Variants in ADGRV1 observed in about 807,000 individuals in gnomAD.
ADGRV1 encodes G-protein coupled receptor 98.
ADGRV1 carries 359 observed loss-of-function variants against 596.2 expected under a neutral mutation model. That is an observed-to-expected ratio of 0.60 (90% CI 0.55 to 0.66). The LOEUF (loss-of-function observed/expected upper bound fraction) is 0.66, where lower values mean the gene tolerates loss of function less well. Among genes scored for constraint, ADGRV1 ranks in the 30% least tolerant of loss-of-function variants. ADGRV1 has a pLI of 0.00. For missense variants in ADGRV1, 7,274 were observed against 7,575.6 expected, an observed-to-expected ratio of 0.96 and a Z score of 1.48; for synonymous variants, 2,681 against 2,679.2, an observed-to-expected ratio of 1.00 and a Z score of -0.02.
At chr5:91,000,829 C>G (rs1781799249) in intron 85 of ADGRV1, among the ~76,000 whole-genome samples, 1 of 150,952 alleles carries the variant, frequency 6.6e-6, no homozygotes. Flanking sequence ...AGTACAAGGG[C>G]AGGAAAAAAA....
At chr5:90,715,707 A>C (rs1750011924) in intron 42 of ADGRV1, among the ~76,000 whole-genome samples, 1 of 151,870 alleles carries the variant, frequency 6.6e-6, no homozygotes, top group African/African-American at 2.4e-5. Context: ...AGTCTTTAAG[A>C]ATGTATGATC....
chr5:90,658,505 G>C (rs1769745262), intron 21 of ADGRV1, among the ~76,000 whole-genome samples: 1 of 152,126 alleles, frequency 6.6e-6, no homozygotes, highest in Non-Finnish European at 1.5e-5. Context: ...GTTAGCAAAT[G>C]AAACTTTAGC....
At chr5:90,577,795 A>T (rs958775164) in intron 1 of ADGRV1, among the ~76,000 whole-genome samples, 1 of 152,076 alleles carries the variant, frequency 6.6e-6, no homozygotes, top group Admixed American at 6.6e-5. Context: ...TATTTCGTTG[A>T]GCAGTCCTTT....
intron 87 of ADGRV1, among the ~76,000 whole-genome samples, chr5:91,129,735 C>A (rs1472067075): frequency 6.6e-6 from 1 of 152,078 alleles, no homozygotes; most frequent in Non-Finnish European, 1.5e-5. Context: ...TAAAAAAAAT[C>A]AAATTTTAAT....
At chr5:90,997,292 G>A (rs988365600) in intron 85 of ADGRV1, among the ~76,000 whole-genome samples, 1 of 152,132 alleles carries the variant, frequency 6.6e-6, no homozygotes, top group African/African-American at 2.4e-5. Flanking sequence ...TAATGGTTTA[G>A]CACCATCCCC....
intron 74 of ADGRV1, among the ~76,000 whole-genome samples, chr5:90,811,727 CTTT>C (rs78107294): frequency 7.2e-6 from 1 of 139,308 alleles, no homozygotes. Flanking sequence ...GCAGGAAATT[CTTT>C]TTTTTTTTTT....
chr5:90,896,489 G>A (rs1427715834), intron 83 of ADGRV1, among the ~76,000 whole-genome samples: 1 of 151,830 alleles, frequency 6.6e-6, no homozygotes, highest in African/African-American at 2.4e-5. Flanking sequence ...TGCCCAGGCT[G>A]GTCTCGAAAT....
chr5:90,892,467 A>G (rs1770916765), intron 83 of ADGRV1, among the ~76,000 whole-genome samples: 1 of 152,092 alleles, frequency 6.6e-6, no homozygotes, highest in Admixed American at 6.6e-5. Flanking sequence ...TAGGTCAGTT[A>G]TGGATCCATT....
chr5:91,068,191 T>C (rs1788048792), intron 85 of ADGRV1, among the ~76,000 whole-genome samples: 1 of 152,118 alleles, frequency 6.6e-6, no homozygotes, highest in African/African-American at 2.4e-5. Context: ...GTGCAGTGGC[T>C]CACGCCTATA....
At chr5:90,817,220 G>T in intron 75 of ADGRV1, among the ~76,000 whole-genome samples, 2 of 151,406 alleles carry the variant, frequency 1.3e-5, no homozygotes, top group South Asian at 2.1e-4. Context: ...CTTTTGAGAA[G>T]TGTCTGTTCA....
intron 85 of ADGRV1, among the ~76,000 whole-genome samples, chr5:91,058,772 G>A (rs1787135473): frequency 6.6e-6 from 1 of 152,146 alleles, no homozygotes; most frequent in East Asian, 1.9e-4. Context: ...AAGTAGCAAA[G>A]GGAAAGTTTT....
At chr5:90,575,948 A>G (rs1304235574) in intron 1 of ADGRV1, among the ~76,000 whole-genome samples, 1 of 152,102 alleles carries the variant, frequency 6.6e-6, no homozygotes, top group Non-Finnish European at 1.5e-5. Flanking sequence ...TCACTGGAGC[A>G]GAAGACAAAG....
intron 86 of ADGRV1, among the ~76,000 whole-genome samples, 165 bp from the exon 87 acceptor site, chr5:91,102,054 G>A (rs1213354668): frequency 1.3e-5 from 2 of 152,106 alleles, no homozygotes; most frequent in South Asian, 2.1e-4. Context: ...ACAGAATGTG[G>A]ACTCAGCAAT....
At chr5:90,582,101 A>AAGC (rs1305702835) in intron 1 of ADGRV1, among the ~76,000 whole-genome samples, 2 of 148,594 alleles carry the variant, frequency 1.3e-5, no homozygotes, top group East Asian at 3.9e-4. Context: ...CTTTATGACC[A>AAGC]AGCATGTGTT....
At chr5:90,646,278 G>A (rs1043306218) in intron 16 of ADGRV1, among the ~76,000 whole-genome samples, 187 bp downstream of exon 16, 1 of 151,948 alleles carries the variant, frequency 6.6e-6, no homozygotes, top group Admixed American at 6.5e-5. Context: ...TAAAGATTTT[G>A]TAATTCATTC....
intron 1 of ADGRV1, among the ~76,000 whole-genome samples, chr5:90,578,172 G>A (rs867606832): frequency 6.6e-6 from 1 of 152,196 alleles, no homozygotes; most frequent in Non-Finnish European, 1.5e-5. Flanking sequence ...GGTGAGAGGG[G>A]CATCCTTGTC....
chr5:90,764,629 C>G (rs958152834), intron 59 of ADGRV1, among the ~76,000 whole-genome samples: 1 of 152,252 alleles, frequency 6.6e-6, no homozygotes, highest in South Asian at 2.1e-4. Flanking sequence ...TGCTCCCCCT[C>G]CCTTATGGGC....
intron 84 of ADGRV1, among the ~76,000 whole-genome samples, chr5:90,970,582 C>A (rs141749194): frequency 0.44 from 55,122 of 124,252 alleles, 14,268 homozygotes; most frequent in East Asian, 0.65. Context: ...GCTGCTGATA[C>A]CCAGGCAAAC....
intron 78 of ADGRV1, among the ~76,000 whole-genome samples, chr5:90,844,709 A>T (rs1240664847): frequency 6.6e-6 from 1 of 152,184 alleles, no homozygotes; most frequent in African/African-American, 2.4e-5. Context: ...GTTCTGAAAC[A>T]CTTGAAAGAG....
Sources: gnomAD v4.1 joint callset for allele counts (sites outside exome capture counted in the v4.1 genomes callset) on GRCh38, gnomAD v4.1.1 for gene constraint, MANE v1.5 for transcripts, NCBI Gene and HGNC (gene_info 2026-07-23, HGNC 2026-07-21) for gene names.